Variants in CDH13 observed in about 807,000 individuals in gnomAD.
CDH13 encodes cadherin 13.
CDH13 carries 24 observed loss-of-function variants against 63.8 expected under a neutral mutation model. The ratio of observed to expected loss-of-function variants is 0.38; its 90% CI spans 0.27 to 0.53. The LOEUF is 0.53. Ranked by LOEUF, CDH13 falls within the 20% of genes least tolerant of loss-of-function variation. The probability of loss-of-function intolerance (pLI) is 0.85; values close to 1 mark genes in which losing one functional copy is unlikely to be tolerated. For synonymous variants in CDH13, 503 were observed against 355.3 expected (o/e 1.42, Z -4.67); for missense variants, 1,049 against 903.1 (o/e 1.16, Z -2.07).
intron 2 of CDH13, among the ~76,000 whole-genome samples, chr16:82,913,548 C>T (rs940753459): frequency 3.9e-5 from 6 of 152,158 alleles, no homozygotes; most frequent in African/African-American, 1.2e-4. Context: ...TACTGTGGGT[C>T]GATGGGTCAA....
intron 4 of CDH13, among the ~76,000 whole-genome samples, chr16:83,156,228 G>C (rs1224505723): frequency 3.0e-4 from 45 of 152,194 alleles, no homozygotes; most frequent in Non-Finnish European, 2.9e-5. Context: ...TAATGCATCA[G>C]CTCACATTGA....
At chr16:82,972,909 T>C (rs1047407285) in intron 2 of CDH13, among the ~76,000 whole-genome samples, 1 of 152,204 alleles carries the variant, frequency 6.6e-6, no homozygotes, top group Admixed American at 6.5e-5. Flanking sequence ...CTGATTTTAA[T>C]GAACCCTCGT....
intron 2 of CDH13, among the ~76,000 whole-genome samples, chr16:82,981,828 A>T (rs556530553): frequency 1.1e-4 from 17 of 152,310 alleles, no homozygotes; most frequent in African/African-American, 4.1e-4. Context: ...AACAGCTACC[A>T]GTGGCTTCCT....
intron 2 of CDH13, among the ~76,000 whole-genome samples, chr16:82,919,254 A>T (rs745365876): frequency 2.0e-5 from 3 of 152,216 alleles, no homozygotes; most frequent in Non-Finnish European, 2.9e-5. Context: ...CAGGTTAGTT[A>T]TATAGGTAAA....
chr16:83,219,208 C>G (rs1047350971), intron 5 of CDH13, among the ~76,000 whole-genome samples: 1 of 152,186 alleles, frequency 6.6e-6, no homozygotes, highest in African/African-American at 2.4e-5. Flanking sequence ...TTACAGCTAA[C>G]GCTTCTGAGG....
chr16:83,119,133 C>G (rs751128898), intron 3 of CDH13, among the ~76,000 whole-genome samples: 1 of 152,190 alleles, frequency 6.6e-6, no homozygotes, highest in Non-Finnish European at 1.5e-5. Context: ...AGACCTCTGC[C>G]TTGTGTAACG....
At chr16:83,138,097 G>A (rs527310872) in intron 4 of CDH13, among the ~76,000 whole-genome samples, 1 of 152,226 alleles carries the variant, frequency 6.6e-6, no homozygotes, top group South Asian at 2.1e-4. Context: ...TCCCATCTGT[G>A]AGTGTTGCAT....
chr16:83,533,387 G>A (rs751494399), intron 7 of CDH13, among the ~76,000 whole-genome samples: 10 of 152,100 alleles, frequency 6.6e-5, no homozygotes, highest in Admixed American at 1.3e-4. Context: ...AAGACAAGAT[G>A]GGAGGTGCCT....
intron 7 of CDH13, among the ~76,000 whole-genome samples, chr16:83,546,727 A>G (rs550151797): frequency 6.6e-6 from 1 of 152,194 alleles, no homozygotes; most frequent in East Asian, 1.9e-4. Flanking sequence ...CTCAGAGTAA[A>G]CACCAGCCAT....
Position 83,798,257 on chromosome 16 carries a change from T to A in CDH13, c.*3227T>A, listed in dbSNP as rs1202489599. On this transcript the variant is annotated 3_prime_UTR_variant, in exon 14 of 14. Transcript: ENST00000567109. ...ATCTTAAGATGTGACAACTAAAAAATTTTTAACAAGTCTGTGTTTGATCCT... is the reference window on the plus strand; with the variant it reads ...ATCTTAAGATGTGACAACTAAAAAAATTTTAACAAGTCTGTGTTTGATCCT... The A allele has an allele frequency of 6.6e-6, 1 of 152,230 alleles. No homozygotes were observed. Among genetic ancestry groups the A allele is most frequent in the Non-Finnish European group, 1.5e-5 (1 of 68,050 alleles). The allele number at this position is 152,230 out of a possible 1,614,324, so 9.4% of individuals were successfully genotyped here.
At chr16:83,301,594 C>T (rs74031987) in intron 5 of CDH13, among the ~76,000 whole-genome samples, 2,376 of 152,200 alleles carry the variant, frequency 0.016, 76 homozygotes, top group African/African-American at 0.055. Flanking sequence ...ACTATCTTCT[C>T]GGATGTAAGA....
intron 2 of CDH13, among the ~76,000 whole-genome samples, chr16:82,871,875 T>C (rs2040354045): frequency 6.6e-6 from 1 of 152,204 alleles, no homozygotes; most frequent in African/African-American, 2.4e-5. Flanking sequence ...TTCCAGTCTT[T>C]TATTCTTCTA....
intron 3 of CDH13, among the ~76,000 whole-genome samples, chr16:83,075,264 T>G (rs888242472): frequency 2.6e-5 from 4 of 152,010 alleles, no homozygotes; most frequent in Non-Finnish European, 5.9e-5. Flanking sequence ...AATAAAAGAG[T>G]TTCACCCCAG....
intron 2 of CDH13, among the ~76,000 whole-genome samples, chr16:82,916,802 A>G (rs2042005446): frequency 6.6e-6 from 1 of 152,126 alleles, no homozygotes; most frequent in Non-Finnish European, 1.5e-5. Context: ...GAGACCTAAA[A>G]AATATTCCCT....
At chr16:82,713,995 G>A (rs1012401271) in intron 1 of CDH13, among the ~76,000 whole-genome samples, 1 of 152,042 alleles carries the variant, frequency 6.6e-6, no homozygotes, top group Non-Finnish European at 1.5e-5. Context: ...CTAGGCTGGA[G>A]TGCATGTTGG....
chr16:83,370,239 T>A (rs1315591662), intron 6 of CDH13, among the ~76,000 whole-genome samples: 1 of 151,804 alleles, frequency 6.6e-6, no homozygotes, highest in Non-Finnish European at 1.5e-5. Flanking sequence ...ATAGAAAAAA[T>A]TAGCCGGGTG....
At chr16:82,627,459 G>C (rs769459736) in intron 1 of CDH13, among the ~76,000 whole-genome samples, 1 of 152,022 alleles carries the variant, frequency 6.6e-6, no homozygotes, top group Non-Finnish European at 1.5e-5. Context: ...CACATCAAGT[G>C]GGGTAACTTT....
intron 6 of CDH13, among the ~76,000 whole-genome samples, chr16:83,358,725 C>G (rs1013862306): frequency 2.0e-5 from 3 of 152,068 alleles, no homozygotes; most frequent in Non-Finnish European, 4.4e-5. Flanking sequence ...ACCAGTTTTC[C>G]TATGGTAATC....
intron 5 of CDH13, among the ~76,000 whole-genome samples, chr16:83,337,371 G>T (rs1054729477): frequency 6.6e-6 from 1 of 152,122 alleles, no homozygotes; most frequent in Non-Finnish European, 1.5e-5. Context: ...TTTTTCTTTA[G>T]CTCCTTCTCC....
Sources: allele counts gnomAD v4.1 joint callset (sites outside exome capture counted in the v4.1 genomes callset), GRCh38; gene constraint gnomAD v4.1.1; transcripts MANE v1.5; gene names NCBI Gene and HGNC (gene_info 2026-07-23, HGNC 2026-07-21).